The following AGMO variants were observed in gnomAD, a reference collection of about 807,000 sequenced individuals.
AGMO encodes the protein alkylglycerol monooxygenase.
A neutral mutation model predicts 60.2 loss-of-function variants in AGMO; 75 were observed. The observed-to-expected ratio is 1.25, with a 90% CI of 1.03 to 1.51. The LOEUF (loss-of-function observed/expected upper bound fraction) is 1.51, where lower values mean the gene tolerates loss of function less well. Among genes scored for constraint, AGMO ranks in the 40% most tolerant of loss-of-function variants. AGMO has a pLI of 0.00. For synonymous variants in AGMO, 261 were observed against 177.1 expected, an observed-to-expected ratio of 1.47 and a Z score of -3.76; for missense variants, 763 against 525.5, an observed-to-expected ratio of 1.45 and a Z score of -4.42.
At chr7:15,264,088 TA>T (rs1248789541) in intron 12 of AGMO, among the ~76,000 whole-genome samples, 2 of 151,500 alleles carry the variant, frequency 1.3e-5, no homozygotes, top group Non-Finnish European at 2.9e-5. Flanking sequence ...TTTATAAAAA[TA>T]AAAAAATTAA....
intron 12 of AGMO, among the ~76,000 whole-genome samples, chr7:15,359,774 G>A (rs1207521936): frequency 6.6e-6 from 1 of 152,104 alleles, no homozygotes; most frequent in African/African-American, 2.4e-5. Flanking sequence ...ATGTTACATG[G>A]TCACTGCAAT....
rs1554412187 is a variant in AGMO at position 15,317,926 on chromosome 7, C to CAT, written c.1263+47587_1263+47588insAT. On this transcript the variant is annotated intron_variant, in intron 12 of 12. Transcript: ENST00000342526. ...ACACACGTATATATATATACACACA[C>CAT]GTATATATATATATACACACACACA... Among the ~76,000 whole-genome samples, 12 of 134,896 alleles carry CAT rather than the reference C, an allele frequency of 8.9e-5. 1 individual carries two copies. Among genetic ancestry groups the CAT allele is most frequent in the East Asian group, 6.3e-4 (3 of 4,744 alleles). 88.5% of individuals were successfully genotyped at this position (134,896 alleles called of 152,430 possible).
chr7:15,527,256 A>C (rs994362056), intron 3 of AGMO, among the ~76,000 whole-genome samples: 20 of 152,158 alleles, frequency 1.3e-4, no homozygotes, highest in African/African-American at 4.8e-4. Context: ...TCCAGCAAAG[A>C]AGTTCTTGAA....
At chr7:15,354,403 TGTACACACGTGTGTGTATAC>T (rs1782402498) in intron 12 of AGMO, among the ~76,000 whole-genome samples, 10 of 36,256 alleles carry the variant, frequency 2.8e-4, no homozygotes, top group Non-Finnish European at 3.9e-4. Flanking sequence ...TACACGTGTG[TGTACACACGTGTGTGTATAC>T]ACACACGTGT....
At chr7:15,254,297 T>C (rs977824937) in intron 12 of AGMO, among the ~76,000 whole-genome samples, 40 of 152,310 alleles carry the variant, frequency 2.6e-4, no homozygotes, top group African/African-American at 8.9e-4. Flanking sequence ...TTTTAACTTT[T>C]TGAGGAACTT....
Position 15,385,540 on chromosome 7 carries a change from A to G in AGMO, c.980T>C (p.Phe327Ser). The change falls in exon 10 of 13, where the codon TTC becomes TCC. Residue 327 changes from phenylalanine (F) to serine (S), a missense_variant. Physicochemically the swap from Phe to Ser is radical, Grantham distance 155. Coordinates refer to ENST00000342526, the MANE Select transcript of AGMO (RefSeq NM_001004320.2). ...TAATAGCTGAGATGAAGATGATGAG[A>G]AGGGAACTTCTTTGCCGGTGACCTA... ...IPEVTGKEVP[F>S]SSSSSQLLKI... is the part of the protein sequence containing the mutation. 12 of 1,612,424 alleles carry G rather than the reference A, an allele frequency of 7.4e-6. No homozygotes were observed. Among genetic ancestry groups the G allele is most frequent in the Non-Finnish European group, 1.0e-5 (12 of 1,178,712 alleles).
chr7:15,523,385 A>T (rs1230165034), intron 3 of AGMO, among the ~76,000 whole-genome samples: 1 of 152,242 alleles, frequency 6.6e-6, no homozygotes, highest in East Asian at 1.9e-4. Flanking sequence ...ATGCACACAT[A>T]TGTTTATTGC....
intron 12 of AGMO, among the ~76,000 whole-genome samples, chr7:15,214,821 A>T (rs1015862654): frequency 2.6e-5 from 4 of 152,086 alleles, no homozygotes; most frequent in African/African-American, 9.7e-5. Flanking sequence ...AAATGCACAA[A>T]TGATGTCATT....
At chr7:15,185,923 C>T in the AGMO span, among the ~76,000 whole-genome samples, 2 of 152,190 alleles carry the variant, frequency 1.3e-5, no homozygotes, top group Non-Finnish European at 2.9e-5. Context: ...AGCTCTGCCT[C>T]ATAATGATTT....
At position 15,273,892 on chromosome 7, in the gene AGMO, T is replaced by C. The variant is rs2128515258; in HGVS notation, c.1264-72533A>G. ...TTGTTCTCTTTGAAGCAATTGTGAATGGGAGTTCTATCATGATTTGGCTCT... is the reference window on the plus strand; with the variant it reads ...TTGTTCTCTTTGAAGCAATTGTGAACGGGAGTTCTATCATGATTTGGCTCT... On this transcript the variant is annotated intron_variant, in intron 12 of 12. Coordinates refer to ENST00000342526, the MANE Select transcript of AGMO (RefSeq NM_001004320.2). Among the ~76,000 whole-genome samples the C allele has an allele frequency of 1.3e-5, 2 of 152,316 alleles. 1 individual carries two copies. Among genetic ancestry groups the C allele is most frequent in the Middle Eastern group, 6.8e-3 (2 of 294 alleles).
intron 12 of AGMO, among the ~76,000 whole-genome samples, chr7:15,219,689 A>G (rs767805989): frequency 6.6e-6 from 1 of 152,130 alleles, no homozygotes; most frequent in Non-Finnish European, 1.5e-5. Context: ...CTAAGTGGGT[A>G]AGTGGATGAG....
intron 12 of AGMO, among the ~76,000 whole-genome samples, chr7:15,351,779 C>T (rs534717254): frequency 2.8e-4 from 43 of 152,150 alleles, no homozygotes; most frequent in Admixed American, 5.2e-4. Flanking sequence ...ACAAAGTATA[C>T]GGCTAGAGAT....
chr7:15,296,185 T>C (rs1417616662), intron 12 of AGMO, among the ~76,000 whole-genome samples: 1 of 152,084 alleles, frequency 6.6e-6, no homozygotes, highest in Non-Finnish European at 1.5e-5. Flanking sequence ...TCTCAACCAA[T>C]ATAGTGCCAC....
chr7:15,141,417 T>A, the AGMO span, among the ~76,000 whole-genome samples: 1 of 152,188 alleles, frequency 6.6e-6, no homozygotes, highest in Admixed American at 6.5e-5. Flanking sequence ...ACCACGTCTC[T>A]ATTAAAATAT....
intron 10 of AGMO, among the ~76,000 whole-genome samples, chr7:15,377,451 G>A (rs887358217): frequency 6.6e-6 from 1 of 151,924 alleles, no homozygotes; most frequent in Non-Finnish European, 1.5e-5. Context: ...AATGTACACA[G>A]TGTCTGGCTA....
chr7:15,135,967 A>ATT, the AGMO span, among the ~76,000 whole-genome samples: 4 of 86,460 alleles, frequency 4.6e-5, no homozygotes, highest in South Asian at 4.1e-4. Context: ...TTAATATTAT[A>ATT]TTTTTTCTTT....
intron 2 of AGMO, among the ~76,000 whole-genome samples, chr7:15,559,135 T>C (rs1785233668): frequency 6.6e-6 from 1 of 152,158 alleles, no homozygotes. Flanking sequence ...CTTACTATTA[T>C]TGAGTCCCAA....
intron 2 of AGMO, among the ~76,000 whole-genome samples, chr7:15,553,391 A>G (rs1051229099): frequency 6.6e-6 from 1 of 152,034 alleles, no homozygotes; most frequent in South Asian, 2.1e-4. Context: ...AAAGTGTAGT[A>G]GAAAGTTGAA....
intron 12 of AGMO, among the ~76,000 whole-genome samples, chr7:15,284,051 T>C (rs1381005111): frequency 6.6e-6 from 1 of 151,866 alleles, no homozygotes; most frequent in African/African-American, 2.4e-5. Flanking sequence ...GTGATGTAAT[T>C]TATCAAAACC....
Sources: gnomAD v4.1 joint callset for allele counts (sites outside exome capture counted in the v4.1 genomes callset) on GRCh38, gnomAD v4.1.1 for gene constraint, MANE v1.5 for transcripts, NCBI Gene and HGNC (gene_info 2026-07-23, HGNC 2026-07-21) for gene names.